CCDC142: variants seen among roughly 807,000 people sequenced by gnomAD.
CCDC142 encodes the protein coiled-coil domain containing 142.
Under a neutral mutation model 83.8 loss-of-function variants are expected in CCDC142, and 67 were observed. The observed-to-expected ratio is 0.80, with a 90% confidence interval of 0.66 to 0.98. The LOEUF is 0.98. CCDC142 is among the 50% of genes least tolerant of loss of function. The probability of loss-of-function intolerance (pLI) is 0.00; values close to 1 mark genes in which losing one functional copy is unlikely to be tolerated. For missense variants in CCDC142, 905 were observed against 946.8 expected, an observed-to-expected ratio of 0.96 and a Z score of 0.58; for synonymous variants, 421 against 421.2, an observed-to-expected ratio of 1.00 and a Z score of 0.01.
chr2:74,476,096 CACACACAG>C lies in CCDC142; in HGVS notation c.1504-378_1504-371del, dbSNP rs1279477883. Among the ~76,000 whole-genome samples the C allele has an allele frequency of 4.7e-3, 582 of 123,492 alleles. 12 individuals are homozygous for C. The East Asian group carries it at 0.055, about 12-fold the overall frequency. The allele number at this position is 123,492 out of a possible 152,430, so 81.0% of individuals were successfully genotyped here. A position where few individuals can be genotyped will look rare whatever the true frequency, so the allele number is the denominator to read the frequency against. ...ACACACACACACACACACACACACA[CACACACAG>C]AGCATATGCCAGAAAGAGGGATTGT... On this transcript the variant is annotated intron_variant, in intron 5 of 8. Coordinates refer to ENST00000393965, the MANE Select transcript of CCDC142 (RefSeq NM_001365575.2).
At position 74,482,621 on chromosome 2, in the gene CCDC142, C is replaced by T. The variant is rs765403027; in HGVS notation, c.217G>A (p.Ala73Thr). The T allele has an allele frequency of 2.5e-6, 4 of 1,610,034 alleles. No homozygotes were observed. The highest frequency in any genetic ancestry group is 3.4e-6 in the Non-Finnish European group (4 of 1,178,414). The change falls in exon 1 of 9, where the codon GCC (alanine) becomes ACC (threonine). Residue 73 changes from alanine (A) to threonine (T), a missense_variant. By Grantham distance (58) the Ala-to-Thr change is moderately conservative. This residue lies in a region of CCDC142 where 591 missense variants were observed against 571.4 expected (regional missense o/e 1.03). Coordinates refer to ENST00000393965, the MANE Select transcript of CCDC142 (RefSeq NM_001365575.2). The surrounding 1 kb of genome is among the most constrained non-coding windows in gnomAD (Gnocchi z 5.0). ...CCACCTGCGGGCCCCCGCCTCCAGGCCGCAGCATCAGCCTCGTAGTCCTCG... is the reference window on the plus strand; with the variant it reads ...CCACCTGCGGGCCCCCGCCTCCAGGTCGCAGCATCAGCCTCGTAGTCCTCG... ...VSEDYEADAA[A>T]WRRGPAGGGP...
intron 3 of CCDC142, 43 bp downstream of exon 3, chr2:74,481,180 T>G (rs773241030): frequency 6.2e-7 from 1 of 1,612,692 alleles, no homozygotes; most frequent in Non-Finnish European, 8.5e-7. Context: ...AAAAGAGATA[T>G]CCTCAACTGC....
Position 74,474,580 on chromosome 2 carries a change from A to G in CCDC142, c.2219T>C (p.Phe740Ser). 1 of 1,612,800 alleles carries G rather than the reference A, an allele frequency of 6.2e-7. No homozygotes were observed. The highest frequency in any genetic ancestry group is 8.5e-7 in the Non-Finnish European group (1 of 1,179,394). The change falls in exon 9 of 9, where the codon TTT becomes TCT. Residue 740 changes from phenylalanine (F) to serine (S), a missense_variant. Coordinates refer to ENST00000393965, the MANE Select transcript of CCDC142 (RefSeq NM_001365575.2). Reference sequence around the variant, plus strand: ...AGGACTGGTTCCCAGGCAGGAAAAAAACGGCAGGTGCCAACGGGGTCGCTG... The same window carrying G: ...AGGACTGGTTCCCAGGCAGGAAAAAGACGGCAGGTGCCAACGGGGTCGCTG... ...QHQRPRWHLP[F>S]FSCLGTSPES
chr2:74,475,009 G>C lies in CCDC142; in HGVS notation c.1903C>G (p.Leu635Val). ...CCATCCAGCTGCTGGAAGATGCTGAGCATGAGCAGGGTCTGGCGGAGATCA... is the reference window on the plus strand; with the variant it reads ...CCATCCAGCTGCTGGAAGATGCTGACCATGAGCAGGGTCTGGCGGAGATCA... ...SPDLRQTLLM[L>V]SIFQQLDGAL... Residue 635 changes from leucine (L) to valine (V), a missense_variant, in exon 8 of 9, where the codon CTC becomes GTC. This residue lies in a region of CCDC142 where 265 missense variants were observed against 288.9 expected (regional missense o/e 0.92). Transcript: ENST00000393965. 1 of 1,614,034 alleles carries C rather than the reference G, an allele frequency of 6.2e-7. No individual in the cohort carries two copies.
intron 5 of CCDC142, 29 bp from the exon 6 acceptor site, chr2:74,475,755 G>T (rs367797610): frequency 4.9e-5 from 68 of 1,398,664 alleles, no homozygotes; most frequent in Non-Finnish European, 6.6e-5. Flanking sequence ...AGTAAAAGGG[G>T]CTTGTCAAAT....
At chr2:74,476,874 G>A (rs1395880504) in intron 5 of CCDC142, among the ~76,000 whole-genome samples, 2 of 152,174 alleles carry the variant, frequency 1.3e-5, no homozygotes, top group Non-Finnish European at 2.9e-5. Flanking sequence ...GACATGGAGT[G>A]GAGCCCATAT....
rs1672591164 is a variant in CCDC142, at chr2:74,482,931, G to A, written c.-94C>T. Reference sequence around the variant, plus strand: ...CGGACTTCGCCCCATCGCAAGAGCCGTTTTCTCCAGTCCGGGAGTCGCGGG... The same window carrying A: ...CGGACTTCGCCCCATCGCAAGAGCCATTTTCTCCAGTCCGGGAGTCGCGGG... On this transcript the variant is annotated 5_prime_UTR_variant, in exon 1 of 9. The change creates a new upstream start codon in the 5' untranslated region. Transcript: ENST00000393965. This position sits in a 1 kb window ranked among gnomAD's most constrained non-coding sequence, Gnocchi z 5.0. 7 of 1,559,332 alleles carry A rather than the reference G, an allele frequency of 4.5e-6. No individual in the cohort carries two copies. Among genetic ancestry groups the A allele is most frequent in the Non-Finnish European group, 5.2e-6 (6 of 1,147,224 alleles).
rs763581608 is a variant in CCDC142, at chr2:74,475,030, G to C, written c.1882C>G (p.Leu628Val). ...EEEQWSLSPD[L>V]RQTLLMLSIF... ...CTGAGCATGAGCAGGGTCTGGCGGA[G>C]ATCAGGGGACAGGCTCCACTGCTCC... Residue 628 changes from leucine to valine, a missense_variant, in exon 8 of 9, where the codon CTC becomes GTC. By Grantham distance (32) the Leu-to-Val change is conservative. Coordinates refer to ENST00000393965, the MANE Select transcript of CCDC142 (RefSeq NM_001365575.2). 1 of 1,614,118 alleles carries C rather than the reference G, an allele frequency of 6.2e-7. No homozygotes were observed. The highest frequency in any genetic ancestry group is 2.2e-5 in the East Asian group (1 of 44,884).
In CCDC142 at chr2:74,482,770, G is replaced by A. The variant is rs1402176123; in HGVS notation, c.68C>T (p.Pro23Leu). Residue 23 changes from proline (P) to leucine (L), a missense_variant, in exon 1 of 9, where the codon CCC becomes CTC. Pro to Leu is a moderately conservative substitution (Grantham distance 98). Around this residue, in one of 3 missense-constraint regions of CCDC142, gnomAD observed 591 missense variants for 571.4 expected, o/e 1.03. Transcript: ENST00000393965. The surrounding 1 kb of genome is among the most constrained non-coding windows in gnomAD (Gnocchi z 5.0). The part of the protein sequence containing the change: ...LVIVPPLRAQ[P>L]GGTGEEQWER... The stretch of plus-strand genomic sequence containing the variant: ...CCACTGCTCCTCCCCAGTGCCCCCG[G>A]GTTGCGCCCTCAGCGGGGGCACGAT... 1 of 1,600,950 alleles carries A rather than the reference G, an allele frequency of 6.2e-7. No individual in the cohort carries two copies. The highest frequency in any genetic ancestry group is 1.7e-5 in the Admixed American group (1 of 60,030).
At chr2:74,478,073 CT>C (rs962747208) in intron 5 of CCDC142, among the ~76,000 whole-genome samples, 152 of 141,306 alleles carry the variant, frequency 1.1e-3, no homozygotes, top group Admixed American at 1.6e-3. Context: ...TATATATATA[CT>C]TTTTTTTTTT....
rs902788166 is a variant in CCDC142, at chr2:74,481,470, T to A, written c.1090A>T (p.Ile364Phe). 1.2e-6 allele frequency: 2 copies of A among 1,614,122 alleles called. No individual in the cohort carries two copies. Among genetic ancestry groups the A allele is most frequent in the Non-Finnish European group, 1.7e-6 (2 of 1,180,010 alleles). Residue 364 changes from isoleucine (I) to phenylalanine (F), a missense_variant, in exon 2 of 9, where the codon ATC becomes TTC. Ile to Phe is a conservative substitution (Grantham distance 21). Around this residue, in one of 3 missense-constraint regions of CCDC142, gnomAD observed 591 missense variants for 571.4 expected, o/e 1.03. Transcript: ENST00000393965. ...LCHRLLHQSL[I>F]WSWDQGFCQA... ...TTCTCACCTTGGTCCCAGCTCCAGATAAGCGACTGATGAAGTAGTCTGTGA... is the reference window on the plus strand; with the variant it reads ...TTCTCACCTTGGTCCCAGCTCCAGAAAAGCGACTGATGAAGTAGTCTGTGA...
Position 74,482,954 on chromosome 2 carries a change from G to T in CCDC142, c.-117C>A. 6.4e-7 allele frequency: 1 copy of T among 1,555,144 alleles called. No individual in the cohort carries two copies. Among genetic ancestry groups the T allele is most frequent in the South Asian group, 1.1e-5 (1 of 87,386 alleles). Reference sequence around the variant, plus strand: ...CCGTTTTCTCCAGTCCGGGAGTCGCGGGGACCTTCATGGACTCTCTCGTGC... The same window carrying T: ...CCGTTTTCTCCAGTCCGGGAGTCGCTGGGACCTTCATGGACTCTCTCGTGC... On this transcript the variant is annotated 5_prime_UTR_variant, in exon 1 of 9. Transcript: ENST00000393965. This position sits in a 1 kb window ranked among gnomAD's most constrained non-coding sequence, Gnocchi z 5.0.
intron 5 of CCDC142, among the ~76,000 whole-genome samples, chr2:74,477,976 C>T (rs1207495688): frequency 5.7e-5 from 8 of 140,224 alleles, no homozygotes; most frequent in African/African-American, 2.1e-4. Context: ...TGTCACGAGC[C>T]AAACTTCTAA....
rs565662183 is a variant in CCDC142, at chr2:74,482,178, C to T, written c.660G>A (p.Leu220=). The T allele has an allele frequency of 1.2e-6, 2 of 1,613,676 alleles. No homozygotes were observed. Among genetic ancestry groups the T allele is most frequent in the Admixed American group, 3.3e-5 (2 of 60,026 alleles). The stretch of plus-strand genomic sequence containing the variant: ...GACGTGCGGCCCCTGGGACGTGGCT[C>T]AAGGCTTTTCTCTGTAGTGTGTGGT... ...PAYHTLQRKA[L]SHVPGAARPF... The change falls in exon 1 of 9, where the codon TTG becomes TTA. Residue 220 remains leucine (L), a synonymous_variant. Coordinates refer to ENST00000393965, the MANE Select transcript of CCDC142 (RefSeq NM_001365575.2). The surrounding 1 kb of genome is among the most constrained non-coding windows in gnomAD (Gnocchi z 5.0).
intron 1 of CCDC142, 88 bp downstream of exon 1, chr2:74,481,729 T>C (rs1672477200): frequency 6.7e-7 from 1 of 1,493,250 alleles, no homozygotes. Context: ...GGCCTGCTTT[T>C]GCCTTCAGGA....
rs1358318264 is a variant in CCDC142, at chr2:74,480,902, G to GT, written c.1390-21dup. 2 of 1,613,142 alleles carry GT rather than the reference G, an allele frequency of 1.2e-6. No individual in the cohort carries two copies. Among genetic ancestry groups the GT allele is most frequent in the African/African-American group, 2.7e-5 (2 of 75,034 alleles). On this transcript the variant is annotated intron_variant, in intron 4 of 8. Coordinates refer to ENST00000393965, the MANE Select transcript of CCDC142 (RefSeq NM_001365575.2). Reference sequence around the variant, plus strand: ...CAGAGGCTTTGGGTGGAAACAGGGAGTGAGGGCTCAGCCTAGCTCAGGCTG... The same window carrying GT: ...CAGAGGCTTTGGGTGGAAACAGGGAGTTGAGGGCTCAGCCTAGCTCAGGCTG...
chr2:74,474,428 A>G lies in CCDC142; in HGVS notation c.*118T>C. ...CCAGGCTCTTTGTAGCTTATTCTCC[A>G]GTATGCTTTCCTCCAAGCTTCCAGT... On this transcript the variant is annotated 3_prime_UTR_variant, in exon 9 of 9. Coordinates refer to ENST00000393965, the MANE Select transcript of CCDC142 (RefSeq NM_001365575.2). The G allele has an allele frequency of 2.3e-6, 3 of 1,283,260 alleles. No individual in the cohort carries two copies. Among genetic ancestry groups the G allele is most frequent in the Admixed American group, 5.2e-5 (2 of 38,584 alleles). The allele number at this position is 1,283,260 out of a possible 1,614,324, so 79.5% of individuals were successfully genotyped here. A position where few individuals can be genotyped will look rare whatever the true frequency, so the allele number is the denominator to read the frequency against.
chr2:74,477,515 C>T (rs1031924143), intron 5 of CCDC142, among the ~76,000 whole-genome samples: 1 of 152,188 alleles, frequency 6.6e-6, no homozygotes, highest in Admixed American at 6.5e-5. Context: ...CCACACCCAA[C>T]CCCAGTGAAC....
Position 74,481,378 on chromosome 2 carries a change from G to A in CCDC142, c.1109-6C>T. On this transcript the variant is annotated splice_polypyrimidine_tract_variant and splice_region_variant and intron_variant, in intron 2 of 8. Transcript: ENST00000393965. Reference sequence around the variant, plus strand: ...TCCCAAGGCCTGGCAGAAACCTGAGGATGAGAGAGTATAGTGTGGTGGGGA... The same window carrying A: ...TCCCAAGGCCTGGCAGAAACCTGAGAATGAGAGAGTATAGTGTGGTGGGGA... 6.2e-7 allele frequency: 1 copy of A among 1,614,124 alleles called. No individual in the cohort carries two copies. Among genetic ancestry groups the A allele is most frequent in the Non-Finnish European group, 8.5e-7 (1 of 1,180,034 alleles).
Sources: gnomAD v4.1 joint callset for allele counts (sites outside exome capture counted in the v4.1 genomes callset) on GRCh38, gnomAD v4.1.1 for gene constraint, gnomAD v4.1.1 regional missense constraint, Gnocchi (gnomAD v3.1) non-coding constraint, MANE v1.5 for transcripts, NCBI Gene and HGNC (gene_info 2026-07-23, HGNC 2026-07-21) for gene names.